KLHDC4: variants seen among roughly 807,000 people sequenced by gnomAD.
KLHDC4 encodes kelch domain containing 4.
Under a neutral mutation model 62.4 loss-of-function variants are expected in KLHDC4, and 90 were observed. The ratio of observed to expected loss-of-function variants is 1.44; its 90% confidence interval spans 1.22 to 1.72. KLHDC4 has a LOEUF of 1.72. KLHDC4 is among the 40% of genes most tolerant of loss of function. KLHDC4 has a pLI of 0.00. For missense variants in KLHDC4, 1,025 were observed against 699.7 expected (o/e 1.47, Z -5.25); for synonymous variants, 386 against 284.4 (o/e 1.36, Z -3.59).
chr16:87,711,063 C>T, intron 9 of KLHDC4, 172 bp downstream of exon 9: 1 of 627,514 alleles, frequency 1.6e-6, no homozygotes, highest in Non-Finnish European at 2.8e-6. Flanking sequence ...TGACCAAGGG[C>T]TCTCCAAGCC....
chr16:87,758,934 C>T (rs538972159), intron 2 of KLHDC4, among the ~76,000 whole-genome samples: 16 of 152,048 alleles, frequency 1.1e-4, no homozygotes, highest in East Asian at 3.9e-4. Context: ...CCAGCACTTT[C>T]GGAGGCCGAG....
chr16:87,733,900 C>T (rs2040833601), intron 5 of KLHDC4, among the ~76,000 whole-genome samples: 1 of 152,236 alleles, frequency 6.6e-6, no homozygotes, highest in Non-Finnish European at 1.5e-5. Flanking sequence ...CTCTGGGCTG[C>T]AAAGGATGGT....
intron 2 of KLHDC4, among the ~76,000 whole-genome samples, chr16:87,761,038 G>GA (rs1013329959): frequency 6.8e-5 from 10 of 145,996 alleles, no homozygotes; most frequent in African/African-American, 1.0e-4. Context: ...ATCTCAAAAA[G>GA]AAAAAAAAAA....
intron 5 of KLHDC4, among the ~76,000 whole-genome samples, chr16:87,737,299 T>C (rs1032107750): frequency 6.7e-6 from 1 of 149,860 alleles, no homozygotes; most frequent in African/African-American, 2.5e-5. Flanking sequence ...AAAAACCACT[T>C]ACCCTAGGCC....
At chr16:87,712,411 G>A (rs1045591526) in intron 8 of KLHDC4, among the ~76,000 whole-genome samples, 3 of 152,246 alleles carry the variant, frequency 2.0e-5, no homozygotes, top group Admixed American at 6.5e-5. Flanking sequence ...GAAGGAACAG[G>A]GAAGACCACC....
At chr16:87,733,092 T>C (rs927493064) in intron 5 of KLHDC4, among the ~76,000 whole-genome samples, 12 of 147,808 alleles carry the variant, frequency 8.1e-5, no homozygotes, top group African/African-American at 3.1e-4. Context: ...AAAAGGCAGG[T>C]GCAAAGCAAA....
intron 8 of KLHDC4, 130 bp from the exon 9 acceptor site, chr16:87,711,573 A>G: frequency 1.4e-6 from 1 of 708,350 alleles, no homozygotes; most frequent in East Asian, 2.7e-5. Context: ...TGTGGGCAAA[A>G]ACTCTGCTCC....
chr16:87,714,914 C>T (rs369196418), intron 7 of KLHDC4, among the ~76,000 whole-genome samples: 50 of 152,234 alleles, frequency 3.3e-4, no homozygotes, highest in African/African-American at 1.1e-3. Context: ...ACTCTTTGTT[C>T]CTGATCCCGG....
exon 1 of KLHDC4, chr16:87,702,089 C>A (rs1195261008): frequency 2.2e-6 from 1 of 456,332 alleles, no homozygotes; most frequent in Non-Finnish European, 4.4e-6. Flanking sequence ...CCCCCGAGAT[C>A]AGAACAGCCT....
At chr16:87,698,303 TCTTTTCCATCTTTTAGTAG>T (rs1333186686) in exon 1 of KLHDC4, 1 of 152,154 alleles carries the variant, frequency 6.6e-6, no homozygotes, top group African/African-American at 2.4e-5. Context: ...TTTTTGTACA[TCTTTTCCATCTTTTAGTAG>T]CAAGTGGTTG....
At chr16:87,747,591 T>A (rs1405836830) in intron 5 of KLHDC4, 1 of 152,200 alleles carries the variant, frequency 6.6e-6, no homozygotes, top group Non-Finnish European at 1.5e-5. Context: ...CGGGTCCCAC[T>A]GTAAGGCTAT....
intron 5 of KLHDC4, among the ~76,000 whole-genome samples, chr16:87,737,529 C>T (rs906257486): frequency 7.9e-5 from 12 of 151,550 alleles, no homozygotes; most frequent in African/African-American, 2.4e-4. Context: ...CGGAGGTTGC[C>T]GTGAGCCGAG....
At chr16:87,731,957 G>C (rs752410733) in intron 5 of KLHDC4, among the ~76,000 whole-genome samples, 1 of 152,210 alleles carries the variant, frequency 6.6e-6, no homozygotes, top group African/African-American at 2.4e-5. Context: ...CCATGCACAC[G>C]AGCGTCTTAA....
downstream of KLHDC4, among the ~76,000 whole-genome samples, chr16:87,704,112 G>C (rs980297280): frequency 6.6e-6 from 1 of 152,228 alleles, no homozygotes; most frequent in Admixed American, 6.5e-5. Flanking sequence ...TCTGGAGGAA[G>C]GCTGACTCTT....
At chr16:87,721,481 G>A (rs551357475) in intron 7 of KLHDC4, among the ~76,000 whole-genome samples, 1 of 150,560 alleles carries the variant, frequency 6.6e-6, no homozygotes, top group East Asian at 2.0e-4. Flanking sequence ...GCGTGTGCTG[G>A]AACATGAGTA....
chr16:87,713,774 C>T (rs60835399), intron 8 of KLHDC4, among the ~76,000 whole-genome samples: 1 of 152,168 alleles, frequency 6.6e-6, no homozygotes, highest in Non-Finnish European at 1.5e-5. Context: ...AAAGGGCTGT[C>T]CCCTAGGTCA....
chr16:87,721,469 C>T (rs1321741261), intron 7 of KLHDC4, among the ~76,000 whole-genome samples: 1 of 150,346 alleles, frequency 6.7e-6, no homozygotes, highest in African/African-American at 2.4e-5. Flanking sequence ...GGCCACAGGT[C>T]TGCGTGTGCT....
intron 7 of KLHDC4, among the ~76,000 whole-genome samples, chr16:87,722,041 C>G (rs547531272): frequency 3.5e-4 from 53 of 152,312 alleles, no homozygotes; most frequent in African/African-American, 1.2e-3. Context: ...GAAGCTCCCA[C>G]GACACCGGAA....
At chr16:87,745,778 A>G (rs1597289759) in intron 5 of KLHDC4, among the ~76,000 whole-genome samples, 1 of 152,170 alleles carries the variant, frequency 6.6e-6, no homozygotes, top group African/African-American at 2.4e-5. Context: ...CGAGCTGACT[A>G]CAGGGTGGGA....
Sources: allele counts gnomAD v4.1 joint callset (sites outside exome capture counted in the v4.1 genomes callset), GRCh38; gene constraint gnomAD v4.1.1; transcripts MANE v1.5; gene names NCBI Gene and HGNC (gene_info 2026-07-23, HGNC 2026-07-21).